Variants in RBFOX1 observed in about 807,000 individuals in gnomAD.
RBFOX1 encodes RNA binding fox-1 homolog 1.
In RBFOX1, 8 loss-of-function variants were observed where a neutral mutation model predicts 57.7. The ratio of observed to expected loss-of-function variants is 0.14; its 90% confidence interval spans 0.08 to 0.25. The LOEUF (loss-of-function observed/expected upper bound fraction) is 0.25, where lower values mean the gene tolerates loss of function less well. RBFOX1 is among the 10% of genes least tolerant of loss of function. RBFOX1 has a pLI of 1.00. For synonymous variants in RBFOX1, 326 were observed against 222.4 expected (o/e 1.47, Z -4.15); for missense variants, 611 against 548.5 (o/e 1.11, Z -1.14).
At chr16:5,507,116 T>C (rs371673977) in intron 2 of RBFOX1, among the ~76,000 whole-genome samples, 1 of 152,004 alleles carries the variant, frequency 6.6e-6, no homozygotes, top group African/African-American at 2.4e-5. Context: ...GCCTGTAAAG[T>C]GAGGTTGATA....
intron 4 of RBFOX1, among the ~76,000 whole-genome samples, chr16:7,075,091 TTC>T (rs1178129370): frequency 6.6e-6 from 1 of 152,122 alleles, no homozygotes; most frequent in Admixed American, 6.5e-5. Context: ...CAAGATGAAG[TTC>T]TGTGTTATTT....
At chr16:7,324,880 C>G (rs148362164) in intron 4 of RBFOX1, among the ~76,000 whole-genome samples, 1 of 152,196 alleles carries the variant, frequency 6.6e-6, no homozygotes, top group African/African-American at 2.4e-5. Context: ...TCCCTAAAAA[C>G]CATAAATTGA....
chr16:6,827,243 A>C (rs562107390), intron 3 of RBFOX1, among the ~76,000 whole-genome samples: 2 of 151,794 alleles, frequency 1.3e-5, no homozygotes, highest in South Asian at 4.2e-4. Context: ...ATTTTCTCCT[A>C]AAGTTCTTCT....
intron 3 of RBFOX1, among the ~76,000 whole-genome samples, chr16:5,644,850 T>C (rs2048995539): frequency 6.6e-6 from 1 of 152,202 alleles, no homozygotes; most frequent in Non-Finnish European, 1.5e-5. Flanking sequence ...GCCATGAACG[T>C]TCATGTGCGA....
chr16:5,363,744 C>T (rs1342587971), intron 1 of RBFOX1, among the ~76,000 whole-genome samples: 5 of 152,184 alleles, frequency 3.3e-5, no homozygotes, highest in Non-Finnish European at 4.4e-5. Flanking sequence ...TTGGGGACTA[C>T]GTGTCTGTCT....
At chr16:5,710,734 G>GCAA (rs1264289907) in intron 3 of RBFOX1, among the ~76,000 whole-genome samples, 1 of 152,158 alleles carries the variant, frequency 6.6e-6, no homozygotes, top group East Asian at 1.9e-4. Flanking sequence ...AACATCTGAA[G>GCAA]CAACATGGAG....
At chr16:7,216,444 C>T (rs1325839731) in intron 4 of RBFOX1, among the ~76,000 whole-genome samples, 3 of 152,064 alleles carry the variant, frequency 2.0e-5, no homozygotes, top group East Asian at 3.9e-4. Context: ...TGCTTGAGAC[C>T]GAAAGTTCTA....
chr16:7,531,141 A>T (rs2079965956), intron 5 of RBFOX1, among the ~76,000 whole-genome samples: 1 of 151,990 alleles, frequency 6.6e-6, no homozygotes, highest in African/African-American at 2.4e-5. Context: ...TGTAAAAATA[A>T]AAAAAAATAT....
intron 9 of RBFOX1, among the ~76,000 whole-genome samples, chr16:7,601,334 C>G (rs1289153952): frequency 6.6e-6 from 1 of 152,138 alleles, no homozygotes; most frequent in East Asian, 1.9e-4. Flanking sequence ...GTGCTCAACA[C>G]AATGCTAGGT....
intron 2 of RBFOX1, among the ~76,000 whole-genome samples, chr16:5,530,251 G>C (rs547772099): frequency 1.0e-3 from 155 of 152,282 alleles, no homozygotes; most frequent in African/African-American, 3.6e-3. Flanking sequence ...GGTGAGGACG[G>C]CTGCAACACC....
chr16:5,900,861 CT>C (rs1232528391), intron 4 of RBFOX1, among the ~76,000 whole-genome samples: 2 of 152,132 alleles, frequency 1.3e-5, no homozygotes, highest in Non-Finnish European at 2.9e-5. Flanking sequence ...CCCAGAGCCC[CT>C]ATTCCAAAAA....
chr16:5,440,700 G>A (rs1460500308), intron 1 of RBFOX1, among the ~76,000 whole-genome samples: 1 of 152,170 alleles, frequency 6.6e-6, no homozygotes, highest in Non-Finnish European at 1.5e-5. Flanking sequence ...CCCTTTCAAG[G>A]AAGCTGAGTA....
At chr16:6,938,956 G>A (rs557245798) in intron 3 of RBFOX1, among the ~76,000 whole-genome samples, 1 of 152,172 alleles carries the variant, frequency 6.6e-6, no homozygotes, top group African/African-American at 2.4e-5. Flanking sequence ...AATAAAAAAT[G>A]GAGAATGGAG....
rs58405378 is a variant in RBFOX1, at chr16:7,034,848, C to CTTTTTTTTTTTTTTTT, written c.-15-17206_-15-17191dup. 1.3e-3 allele frequency among the ~76,000 whole-genome samples: 40 copies of CTTTTTTTTTTTTTTTT among 30,830 alleles called. 5 individuals are homozygous for CTTTTTTTTTTTTTTTT. The highest frequency in any genetic ancestry group is 6.3e-3 in the African/African-American group (36 of 5,742). The allele number at this position is 30,830 out of a possible 152,430, so 20.2% of individuals were successfully genotyped here. On this transcript the variant is annotated intron_variant, in intron 3 of 15. Transcript: ENST00000550418. ...ATTACTTTTTTTTTTTTTCTTTTTT[C>CTTTTTTTTTTTTTTTT]TTTTTTTTTTTTTTTTTTGAGATGG...
rs1030708231 is a variant in RBFOX1, at chr16:7,330,239, A to C, written c.28-187908A>C. On this transcript the variant is annotated intron_variant, in intron 4 of 15. Coordinates refer to ENST00000550418, the MANE Select transcript of RBFOX1 (RefSeq NM_018723.4). Reference sequence around the variant, plus strand: ...CCTAGGATTTGCATATAACCTATGCACATCTTCCCGTATACATATTAAATC... The same window carrying C: ...CCTAGGATTTGCATATAACCTATGCCCATCTTCCCGTATACATATTAAATC... Among the ~76,000 whole-genome samples the C allele has an allele frequency of 3.3e-5, 5 of 152,250 alleles. No individual in the cohort carries two copies. In the South Asian group the frequency reaches 1.0e-3, roughly 32 times the overall value.
At chr16:6,552,192 C>T (rs2097003840) in intron 2 of RBFOX1, among the ~76,000 whole-genome samples, 1 of 152,118 alleles carries the variant, frequency 6.6e-6, no homozygotes, top group African/African-American at 2.4e-5. Flanking sequence ...ATATACATAC[C>T]TTTGAAAGTC....
At chr16:5,417,794 G>A (rs9922057) in intron 1 of RBFOX1, among the ~76,000 whole-genome samples, 40,745 of 152,052 alleles carry the variant, frequency 0.27, 5,714 homozygotes, top group South Asian at 0.32. Context: ...TAAGATTTGT[G>A]AAATGGCCGG....
chr16:7,246,582 G>C (rs571903498), intron 4 of RBFOX1, among the ~76,000 whole-genome samples: 2 of 150,664 alleles, frequency 1.3e-5, no homozygotes, highest in South Asian at 4.2e-4. Flanking sequence ...TATGAACCTA[G>C]GGCTTTTTGT....
chr16:6,059,131 C>A (rs1010014635), intron 1 of RBFOX1: 1 of 152,076 alleles, frequency 6.6e-6, no homozygotes, highest in African/African-American at 2.4e-5. Context: ...TTAGGTTTGG[C>A]AGAAAGGAAG....
Sources: allele counts gnomAD v4.1 joint callset (sites outside exome capture counted in the v4.1 genomes callset), GRCh38; gene constraint gnomAD v4.1.1; transcripts MANE v1.5; gene names NCBI Gene and HGNC (gene_info 2026-07-23, HGNC 2026-07-21).